The following FBN2 variants were observed in gnomAD, a reference collection of about 807,000 sequenced individuals.
FBN2 encodes fibrillin 2, also known as fibrillin-2.
Under a neutral mutation model 355.6 loss-of-function variants are expected in FBN2, and 105 were observed. The ratio of observed to expected loss-of-function variants is 0.30; its 90% CI spans 0.25 to 0.35. The LOEUF is 0.35. Among genes scored for constraint, FBN2 ranks in the 10% least tolerant of loss-of-function variants. The probability of loss-of-function intolerance (pLI) is 1.00; values close to 1 mark genes in which losing one functional copy is unlikely to be tolerated. For synonymous variants in FBN2, 1,350 were observed against 1,301.2 expected (o/e 1.04, Z -0.81); for missense variants, 3,280 against 3,758.7 (o/e 0.87, Z 3.33).
chr5:128,449,203 C>G (rs2127061098), intron 6 of FBN2, among the ~76,000 whole-genome samples: 1 of 150,256 alleles, frequency 6.7e-6, no homozygotes, highest in East Asian at 2.0e-4. Context: ...AAGTAAAAAG[C>G]ATAACAACAA....
chr5:128,307,589 G>T (rs1749919357), intron 41 of FBN2, among the ~76,000 whole-genome samples: 1 of 150,052 alleles, frequency 6.7e-6, no homozygotes, highest in African/African-American at 2.4e-5. Context: ...ATTACAGATT[G>T]CACAAAGGTA....
rs565392876 is a variant in FBN2, at chr5:128,361,216, G to A, written c.2554+507C>T. On this transcript the variant is annotated intron_variant, in intron 19 of 64. Transcript: ENST00000262464. ...ATGACAACTTTTAAATTATCAAATG[G>A]AAAGGACAATTCTCTTGGACTAAAA... 6.7e-4 allele frequency among the ~76,000 whole-genome samples: 102 copies of A among 152,228 alleles called. 1 individual carries two copies. Among genetic ancestry groups the A allele is most frequent in the African/African-American group, 2.4e-3 (99 of 41,544 alleles).
intron 6 of FBN2, among the ~76,000 whole-genome samples, chr5:128,453,815 A>G (rs941124733): frequency 6.6e-6 from 1 of 151,342 alleles, no homozygotes; most frequent in Non-Finnish European, 1.5e-5. Flanking sequence ...TCCTCCCCCA[A>G]CTTTTTTTTC....
chr5:128,527,846 A>G (rs1214494501), intron 4 of FBN2, 26 bp downstream of exon 4: 1 of 1,431,794 alleles, frequency 7.0e-7, no homozygotes, highest in African/African-American at 1.4e-5. Context: ...AAATCAAATG[A>G]TTTCTAATAA....
rs779843986 is a variant in FBN2, at chr5:128,300,853, G to C, written c.6130C>G (p.Pro2044Ala). 1 of 1,613,942 alleles carries C rather than the reference G, an allele frequency of 6.2e-7. No individual in the cohort carries two copies. Among genetic ancestry groups the C allele is most frequent in the Non-Finnish European group, 8.5e-7 (1 of 1,179,872 alleles). Residue 2044 changes from proline (P) to alanine (A), a missense_variant, in exon 48 of 65, where the codon CCC (proline) becomes GCC (alanine). Physicochemically the swap from Pro to Ala is conservative, Grantham distance 27. Transcript: ENST00000262464. Reference sequence around the variant, plus strand: ...TCGCTTTTTACTTCATACCCTGGGGGACAGATGCATCTGAAGGATCCCTCC... The same window carrying C: ...TCGCTTTTTACTTCATACCCTGGGGCACAGATGCATCTGAAGGATCCCTCC... ...NLEGSFRCIC[P>A]PGYEVKSENC... is the part of the protein sequence containing the mutation.
intron 5 of FBN2, among the ~76,000 whole-genome samples, chr5:128,515,393 C>T (rs1756254515): frequency 6.6e-6 from 1 of 152,314 alleles, no homozygotes; most frequent in South Asian, 2.1e-4. Flanking sequence ...GGATCTTACA[C>T]ATCTGCTAAA....
chr5:128,338,408 A>T (rs1284225909), intron 26 of FBN2, among the ~76,000 whole-genome samples: 1 of 152,220 alleles, frequency 6.6e-6, no homozygotes, highest in Non-Finnish European at 1.5e-5. Flanking sequence ...CCACGGACTC[A>T]TGATATATTG....
chr5:128,294,015 G>C (rs914612399), intron 48 of FBN2, among the ~76,000 whole-genome samples: 20 of 151,484 alleles, frequency 1.3e-4, no homozygotes, highest in Non-Finnish European at 2.7e-4. Flanking sequence ...AGTCCCCAGA[G>C]TGTGATGTTC....
rs1310962950 is a variant in FBN2 at position 128,310,394 on chromosome 5, ATATATATATTTT to A, written c.5075-298_5075-287del. ...TATATATATATATATATATATATATATATATATATTTTTTTTTTTTTTTTTTTATTGCAATTC... is the reference window on the plus strand; with the variant it reads ...TATATATATATATATATATATATATATTTTTTTTTTTTTTTATTGCAATTC... On this transcript the variant is annotated intron_variant, in intron 39 of 64. Transcript: ENST00000262464. Among the ~76,000 whole-genome samples, 102 of 20,346 alleles carry A rather than the reference ATATATATATTTT, an allele frequency of 5.0e-3. 1 individual carries two copies. Among genetic ancestry groups the A allele is most frequent in the Middle Eastern group, 0.036 (1 of 28 alleles). The allele number at this position is 20,346 out of a possible 152,430, so 13.3% of individuals were successfully genotyped here. A position where few individuals can be genotyped will look rare whatever the true frequency, so the allele number is the denominator to read the frequency against.
chr5:128,397,229 C>G (rs1013129020), intron 8 of FBN2, among the ~76,000 whole-genome samples: 1 of 152,168 alleles, frequency 6.6e-6, no homozygotes, highest in Non-Finnish European at 1.5e-5. Flanking sequence ...AGAATAATCA[C>G]AGGAAACAAT....
intron 11 of FBN2, among the ~76,000 whole-genome samples, chr5:128,381,997 C>A (rs1260825126): frequency 6.6e-6 from 1 of 151,966 alleles, no homozygotes; most frequent in East Asian, 1.9e-4. Context: ...ACATTTTTGG[C>A]AAAATTATGA....
Position 128,490,391 on chromosome 5 carries a change from G to A in FBN2, c.629-25470C>T, listed in dbSNP as rs897615040. 2.5e-4 allele frequency among the ~76,000 whole-genome samples: 38 copies of A among 152,146 alleles called. 1 individual carries two copies. The highest frequency in any genetic ancestry group is 1.7e-3 in the Admixed American group (26 of 15,270). ...ATAAATCATGGAAGCCACAGCAAGT[G>A]CAAAGCGAACAAAGATAATTGAATC... On this transcript the variant is annotated intron_variant, in intron 5 of 64. Transcript: ENST00000262464.
At chr5:128,336,246 G>A (rs1005032614) in intron 27 of FBN2, 133 bp from the exon 28 acceptor site, 6 of 862,604 alleles carry the variant, frequency 7.0e-6, no homozygotes, top group Admixed American at 1.8e-5. Flanking sequence ...TTCTCCTGGG[G>A]GATTGAAAGA....
chr5:128,496,818 C>G (rs1390719566), intron 5 of FBN2, among the ~76,000 whole-genome samples: 1 of 151,660 alleles, frequency 6.6e-6, no homozygotes, highest in Admixed American at 6.6e-5. Context: ...CCTAAATTAT[C>G]CATTGAAGAC....
In FBN2 at chr5:128,291,609, G is replaced by A. The variant is rs1428934670; in HGVS notation, c.6212C>T (p.Ser2071Phe). Residue 2071 changes from serine to phenylalanine, a missense_variant, in exon 49 of 65, where the codon TCC becomes TTC. Physicochemically the swap from Ser to Phe is radical, Grantham distance 155 (BLOSUM62 -2). Around this residue, in one of 6 missense-constraint regions of FBN2, gnomAD observed 2,284 missense variants for 2,749.5 expected, o/e 0.83. Coordinates refer to ENST00000262464, the MANE Select transcript of FBN2 (RefSeq NM_001999.4). ...DEDPNICLFG[S>F]CTNTPGGFQC... The stretch of plus-strand genomic sequence containing the variant: ...GAAGCCCCCTGGAGTATTAGTACAG[G>A]AACCAAAAAGACAAATGTTGGGATC... 6.2e-7 allele frequency: 1 copy of A among 1,613,476 alleles called. No homozygotes were observed. The highest frequency in any genetic ancestry group is 1.7e-5 in the Admixed American group (1 of 59,994).
intron 5 of FBN2, among the ~76,000 whole-genome samples, chr5:128,497,479 G>A (rs1268143065): frequency 1.3e-5 from 2 of 152,188 alleles, no homozygotes; most frequent in African/African-American, 2.4e-5. Flanking sequence ...TAATTTTAGG[G>A]ATTTGCTTTG....
chr5:128,422,500 T>C (rs1399561520), intron 7 of FBN2, among the ~76,000 whole-genome samples: 1 of 152,108 alleles, frequency 6.6e-6, no homozygotes, highest in Non-Finnish European at 1.5e-5. Context: ...TGTTTTAGGA[T>C]GGCTTTGCAG....
At chr5:128,371,803 G>C (rs1751952514) in intron 15 of FBN2, among the ~76,000 whole-genome samples, 2 of 152,072 alleles carry the variant, frequency 1.3e-5, no homozygotes, top group African/African-American at 4.8e-5. Flanking sequence ...AAAGTGTTGG[G>C]ATTACAGGTG....
chr5:128,409,227 G>A (rs1014731316), intron 7 of FBN2, among the ~76,000 whole-genome samples: 2 of 152,152 alleles, frequency 1.3e-5, no homozygotes, highest in African/African-American at 4.8e-5. Context: ...AAGCAATGAA[G>A]AGTGGCAAAT....
Sources: gnomAD v4.1 joint callset for allele counts (sites outside exome capture counted in the v4.1 genomes callset) on GRCh38, gnomAD v4.1.1 for gene constraint, gnomAD v4.1.1 regional missense constraint, MANE v1.5 for transcripts, NCBI Gene and HGNC (gene_info 2026-07-23, HGNC 2026-07-21) for gene names.